The following AGGF1 variants were observed in gnomAD, a reference collection of about 807,000 sequenced individuals.
The protein encoded by AGGF1 is angiogenic factor with G-patch and FHA domains 1, also known as angiogenic factor with G patch and FHA domains 1.
AGGF1 carries 56 observed loss-of-function variants against 86.5 expected under a neutral mutation model. The ratio of observed to expected loss-of-function variants is 0.65; its 90% CI spans 0.52 to 0.81. The LOEUF (loss-of-function observed/expected upper bound fraction) is 0.81. AGGF1 is among the 30% of genes least tolerant of loss of function. The pLI, the probability that AGGF1 is intolerant of heterozygous loss-of-function variation, is 0.00. For synonymous variants in AGGF1, 313 were observed against 297.1 expected, an observed-to-expected ratio of 1.05 and a Z score of -0.55; for missense variants, 816 against 850.9, an observed-to-expected ratio of 0.96 and a Z score of 0.51.
chr5:77,035,606 C>G lies in AGGF1; in HGVS notation c.379C>G (p.Gln127Glu). 2 of 1,613,478 alleles carry G rather than the reference C, an allele frequency of 1.2e-6. No homozygotes were observed. The highest frequency in any genetic ancestry group is 1.7e-6 in the Non-Finnish European group (2 of 1,179,628). Residue 127 changes from glutamine to glutamate, a missense_variant, in exon 3 of 14, where the codon CAA becomes GAA. By Grantham distance (29) the Gln-to-Glu change is conservative (BLOSUM62 2). Coordinates refer to ENST00000312916, the MANE Select transcript of AGGF1 (RefSeq NM_018046.5). Reference sequence around the variant, plus strand: ...AAATAAAGTGACTGAACTGTCAGATCAACAAGATCAAGCTATCGAAACTTC... The same window carrying G: ...AAATAAAGTGACTGAACTGTCAGATGAACAAGATCAAGCTATCGAAACTTC... Reference protein sequence around the residue: ...LPNKVTELSDQQDQAIETSIL... With the variant: ...LPNKVTELSDEQDQAIETSIL...
Position 77,030,681 on chromosome 5 carries a change from G to T in AGGF1, c.-86G>T. On this transcript the variant is annotated 5_prime_UTR_variant, in exon 1 of 14. Transcript: ENST00000312916. Reference sequence around the variant, plus strand: ...TGAGGCTGCCTTTCGCTGCCCGCGCGCTCCAGTGGTCTCTGGGTCCGCCGG... The same window carrying T: ...TGAGGCTGCCTTTCGCTGCCCGCGCTCTCCAGTGGTCTCTGGGTCCGCCGG... 6 of 1,444,830 alleles carry T rather than the reference G, an allele frequency of 4.2e-6. No homozygotes were observed. In the South Asian group the frequency reaches 5.0e-5, roughly 12 times the overall value. The allele number at this position is 1,444,830 out of a possible 1,614,324, so 89.5% of individuals were successfully genotyped here. A position where few individuals can be genotyped will look rare whatever the true frequency, so the allele number is the denominator to read the frequency against.
At chr5:77,032,358 A>G (rs1390199990) in intron 1 of AGGF1, among the ~76,000 whole-genome samples, 2 of 151,470 alleles carry the variant, frequency 1.3e-5, no homozygotes, top group Non-Finnish European at 2.9e-5. Context: ...ACGAGGTCAG[A>G]AGATCGAGAC....
intron 4 of AGGF1, 21 bp from the exon 5 acceptor site, chr5:77,039,509 AT>A (rs1477721554): frequency 1.9e-6 from 3 of 1,570,122 alleles, no homozygotes; most frequent in Non-Finnish European, 2.6e-6. Context: ...AATAGAATTT[AT>A]TTTTTTCTTG....
chr5:77,057,209 A>T (rs887354199), intron 11 of AGGF1, among the ~76,000 whole-genome samples: 1 of 152,218 alleles, frequency 6.6e-6, no homozygotes, highest in Admixed American at 6.5e-5. Flanking sequence ...AAAGTTAAAC[A>T]TACACCTATT....
chr5:77,039,444 T>A (rs1003120405), intron 4 of AGGF1, 87 bp from the exon 5 acceptor site: 12 of 1,007,806 alleles, frequency 1.2e-5, no homozygotes, highest in African/African-American at 8.2e-5. Flanking sequence ...CAAAGAAATA[T>A]TTACCACATT....
chr5:77,049,047 C>G, intron 8 of AGGF1, 60 bp downstream of exon 8: 1 of 1,515,758 alleles, frequency 6.6e-7, no homozygotes. Context: ...ATTATTATTA[C>G]AGTAGAAAGC....
Position 77,030,757 on chromosome 5 carries a change from G to A in AGGF1, c.-10G>A, listed in dbSNP as rs1468455150. 2 of 1,561,938 alleles carry A rather than the reference G, an allele frequency of 1.3e-6. No individual in the cohort carries two copies. Among genetic ancestry groups the A allele is most frequent in the African/African-American group, 1.3e-5 (1 of 74,122 alleles). On this transcript the variant is annotated 5_prime_UTR_variant, in exon 1 of 14. Transcript: ENST00000312916. ...CCTCCGCGGCGACGAGCAGTCTCGC[G>A]CCGGAGCTCATGGCCTCGGAGGCGC...
intron 5 of AGGF1, among the ~76,000 whole-genome samples, chr5:77,040,108 A>AT (rs11320290): frequency 7.4e-4 from 105 of 141,864 alleles, no homozygotes; most frequent in South Asian, 1.8e-3. Context: ...TACTAGGACA[A>AT]TTTTTTTTTT....
rs1407078384 is a variant in AGGF1, at chr5:77,030,738, C to T, written c.-29C>T. 5.2e-6 allele frequency: 8 copies of T among 1,549,164 alleles called. No homozygotes were observed. The highest frequency in any genetic ancestry group is 5.2e-6 in the Non-Finnish European group (6 of 1,154,176). On this transcript the variant is annotated 5_prime_UTR_variant, in exon 1 of 14. Transcript: ENST00000312916. ...TTTCGGCCTGAACGCAGCCCCTCCG[C>T]GGCGACGAGCAGTCTCGCGCCGGAG...
intron 8 of AGGF1, 88 bp from the exon 9 acceptor site, chr5:77,052,618 C>A: frequency 3.4e-6 from 3 of 877,598 alleles, no homozygotes; most frequent in Admixed American, 2.4e-5. Flanking sequence ...TTATCAAAGG[C>A]TCAAGTTAAC....
intron 5 of AGGF1, among the ~76,000 whole-genome samples, chr5:77,042,398 C>T (rs1424202253): frequency 2.9e-4 from 40 of 138,610 alleles, no homozygotes; most frequent in African/African-American, 8.6e-4. Flanking sequence ...CGGGCAGAGG[C>T]GCCCCTCACC....
At chr5:77,048,321 G>A (rs750849684) in intron 7 of AGGF1, 49 bp downstream of exon 7, 3 of 1,374,928 alleles carry the variant, frequency 2.2e-6, no homozygotes, top group Admixed American at 3.5e-5. Context: ...TTTCAGAAAG[G>A]CTTTATTAAG....
At chr5:77,046,791 T>A in intron 6 of AGGF1, 114 bp downstream of exon 6, 1 of 1,028,962 alleles carries the variant, frequency 9.7e-7, no homozygotes. Flanking sequence ...AAACATTATT[T>A]TAATGATGTT....
intron 12 of AGGF1, among the ~76,000 whole-genome samples, chr5:77,061,079 T>A (rs929516794): frequency 6.6e-6 from 1 of 152,160 alleles, no homozygotes; most frequent in Non-Finnish European, 1.5e-5. Flanking sequence ...TTTTAATATG[T>A]AACATGTACA....
rs1376692426 is a variant in AGGF1 at position 77,035,622 on chromosome 5, T to C, written c.395T>C (p.Ile132Thr). Residue 132 changes from isoleucine to threonine, a missense_variant, in exon 3 of 14, where the codon ATC becomes ACC. Ile to Thr is a moderately conservative substitution (Grantham distance 89). Transcript: ENST00000312916. Reference protein sequence around the residue: ...TELSDQQDQAIETSILNSKDH... With the variant: ...TELSDQQDQATETSILNSKDH... ...CTGTCAGATCAACAAGATCAAGCTA[T>C]CGAAACTTCTATTTTGAATTCTAAA... 2 of 1,613,628 alleles carry C rather than the reference T, an allele frequency of 1.2e-6. No individual in the cohort carries two copies. The highest frequency in any genetic ancestry group is 3.3e-5 in the Admixed American group (2 of 60,014).
At chr5:77,061,845 A>G (rs776463822) in intron 13 of AGGF1, 43 bp downstream of exon 13, 1 of 1,559,376 alleles carries the variant, frequency 6.4e-7, no homozygotes, top group South Asian at 1.1e-5. Flanking sequence ...CCTAGAGCAG[A>G]CATTTACCGT....
At chr5:77,033,555 C>G (rs1273464757) in intron 1 of AGGF1, among the ~76,000 whole-genome samples, 1 of 152,192 alleles carries the variant, frequency 6.6e-6, no homozygotes, top group African/African-American at 2.4e-5. Context: ...TCTGTACTTG[C>G]ATGAATCAGA....
chr5:77,032,679 C>T (rs934765238), intron 1 of AGGF1, among the ~76,000 whole-genome samples: 4 of 151,750 alleles, frequency 2.6e-5, no homozygotes, highest in Admixed American at 2.0e-4. Flanking sequence ...GTACTGCTTG[C>T]GTTAGAGATT....
At position 77,048,259 on chromosome 5, in the gene AGGF1, G is replaced by A. The variant is rs1252754786; in HGVS notation, c.1300G>A (p.Ala434Thr). Residue 434 changes from alanine to threonine, a missense_variant, in exon 7 of 14, where the codon GCT (alanine) becomes ACT (threonine). By Grantham distance (58) the Ala-to-Thr change is moderately conservative. This residue lies in a region of AGGF1 where 565 missense variants were observed against 585.8 expected (regional missense o/e 0.96). Transcript: ENST00000312916. ...SLFIITAVNP[A>T]TIGREKDMEH... ...CTTTATCATTACTGCTGTAAACCCT[G>A]CTACAATTGGAAGGTAAAATGGTTA... 2 of 1,605,362 alleles carry A rather than the reference G, an allele frequency of 1.2e-6. No individual in the cohort carries two copies. Among genetic ancestry groups the A allele is most frequent in the Non-Finnish European group, 1.7e-6 (2 of 1,172,428 alleles).
Sources: allele counts gnomAD v4.1 joint callset (sites outside exome capture counted in the v4.1 genomes callset), GRCh38; gene constraint gnomAD v4.1.1; regional missense constraint gnomAD v4.1.1; transcripts MANE v1.5; gene names NCBI Gene and HGNC (gene_info 2026-07-23, HGNC 2026-07-21).